UGT1A6: variants seen among roughly 807,000 people sequenced by gnomAD.
UGT1A6 encodes the protein UDP-glucuronosyltransferase 1A6.
Under a neutral mutation model 44.4 loss-of-function variants are expected in UGT1A6, and 32 were observed. The ratio of observed to expected loss-of-function variants is 0.72; its 90% CI spans 0.54 to 0.97. The LOEUF (loss-of-function observed/expected upper bound fraction) is 0.97, where lower values mean the gene tolerates loss of function less well. Among genes scored for constraint, UGT1A6 ranks in the 50% least tolerant of loss-of-function variants. UGT1A6 has a pLI of 0.00. For synonymous variants in UGT1A6, 238 were observed against 248.5 expected, an observed-to-expected ratio of 0.96 and a Z score of 0.40; for missense variants, 685 against 661.9, an observed-to-expected ratio of 1.03 and a Z score of -0.38.
chr2:233,713,020 C>G (rs143190267), intron 1 of UGT1A6: 1 of 1,613,734 alleles, frequency 6.2e-7, no homozygotes, highest in South Asian at 1.1e-5. Context: ...GTTCCCCTGC[C>G]GCAGCTGGCC....
intron 1 of UGT1A6, among the ~76,000 whole-genome samples, chr2:233,720,810 A>T (rs920812777): frequency 6.6e-6 from 1 of 151,018 alleles, no homozygotes; most frequent in Non-Finnish European, 1.5e-5. Context: ...GGTTTAAGAA[A>T]TTCTCCCACC....
At chr2:233,725,467 G>A (rs1170231243) in intron 1 of UGT1A6, among the ~76,000 whole-genome samples, 1 of 151,678 alleles carries the variant, frequency 6.6e-6, no homozygotes, top group Non-Finnish European at 1.5e-5. Flanking sequence ...TTTTCTAGTG[G>A]GCATGTTAGA....
At chr2:233,743,457 A>C in intron 1 of UGT1A6, 1 of 1,366,076 alleles carries the variant, frequency 7.3e-7, no homozygotes. Context: ...AAGAAGAAAA[A>C]ACACCCCCAA....
intron 1 of UGT1A6, among the ~76,000 whole-genome samples, chr2:233,694,660 A>G (rs534591293): frequency 3.3e-5 from 5 of 152,152 alleles, no homozygotes; most frequent in Non-Finnish European, 7.3e-5. Context: ...TTTTTATCAG[A>G]GAGAAAGCCT....
chr2:233,755,067 T>C (rs1054820279), intron 1 of UGT1A6: 7 of 1,335,636 alleles, frequency 5.2e-6, no homozygotes, highest in Non-Finnish European at 7.0e-6. Flanking sequence ...CGCCTCGCCA[T>C]AGCGGTCATA....
chr2:233,737,383 C>T (rs1188970880), intron 1 of UGT1A6, among the ~76,000 whole-genome samples: 6 of 152,224 alleles, frequency 3.9e-5, no homozygotes, highest in Non-Finnish European at 8.8e-5. Flanking sequence ...AGAGAATCTC[C>T]TTGTCTGCCA....
intron 1 of UGT1A6, among the ~76,000 whole-genome samples, chr2:233,759,599 A>ACCCCCCCCCCCCCCCCCC (rs1553620419): frequency 9.2e-6 from 1 of 108,664 alleles, no homozygotes; most frequent in African/African-American, 3.3e-5. Flanking sequence ...CCCACCCCCG[A>ACCCCCCCCCCCCCCCCCC]CCCGCCCCAC....
intron 1 of UGT1A6, among the ~76,000 whole-genome samples, chr2:233,742,411 A>G (rs566737557): frequency 5.3e-5 from 8 of 152,078 alleles, no homozygotes; most frequent in Non-Finnish European, 8.8e-5. Flanking sequence ...TAGTTTAGGA[A>G]CACCTTAAGC....
chr2:233,751,669 T>C (rs923739098), intron 1 of UGT1A6, among the ~76,000 whole-genome samples: 3 of 152,228 alleles, frequency 2.0e-5, no homozygotes, highest in African/African-American at 7.2e-5. Flanking sequence ...GAGTGAGTTC[T>C]AATGAGAGCT....
In UGT1A6 at chr2:233,733,060, C is replaced by G. The variant is rs187398935; in HGVS notation, c.862-33974C>G. Among the ~76,000 whole-genome samples the G allele has an allele frequency of 7.2e-5, 11 of 152,200 alleles. No individual in the cohort carries two copies. The East Asian group carries it at 2.1e-3, about 29-fold the overall frequency. ...AAGTTGGATTCCTAGGTATTTTATT[C>G]TCTTTGTAGCAATTGTGAATGGGAG... is the stretch of plus-strand genomic sequence containing the variant. On this transcript the variant is annotated intron_variant, in intron 1 of 4. Transcript: ENST00000305139.
chr2:233,757,966 T>C (rs1008713784), intron 1 of UGT1A6, among the ~76,000 whole-genome samples: 4 of 152,150 alleles, frequency 2.6e-5, no homozygotes, highest in Admixed American at 6.5e-5. Context: ...GTGTGATTTC[T>C]CAGCCCCTAG....
At chr2:233,725,624 T>C (rs1443141864) in intron 1 of UGT1A6, among the ~76,000 whole-genome samples, 1 of 152,198 alleles carries the variant, frequency 6.6e-6, no homozygotes, top group African/African-American at 2.4e-5. Flanking sequence ...GTCTTCAAAA[T>C]CTAGCATATA....
chr2:233,768,064 A>G, intron 3 of UGT1A6, 128 bp downstream of exon 3: 1 of 1,598,982 alleles, frequency 6.3e-7, no homozygotes, highest in Non-Finnish European at 8.5e-7. Flanking sequence ...ATTGCTTTTT[A>G]TCTAGTGGGG....
chr2:233,733,268 A>G (rs2078375878), intron 1 of UGT1A6, among the ~76,000 whole-genome samples: 1 of 152,120 alleles, frequency 6.6e-6, no homozygotes. Flanking sequence ...GGACTATTTG[A>G]CTTCCTCTTT....
At chr2:233,705,367 T>C (rs1178136392) in intron 1 of UGT1A6, among the ~76,000 whole-genome samples, 3 of 152,240 alleles carry the variant, frequency 2.0e-5, no homozygotes, top group African/African-American at 7.2e-5. Flanking sequence ...GTTTTGCTTT[T>C]ATTTTGTTTG....
Position 233,743,999 on chromosome 2 carries a change from G to A in UGT1A6, c.862-23035G>A, listed in dbSNP as rs981482683. On this transcript the variant is annotated intron_variant, in intron 1 of 4. Coordinates refer to ENST00000305139, the MANE Select transcript of UGT1A6 (RefSeq NM_001072.4). The stretch of plus-strand genomic sequence containing the variant: ...CACCCAGGCGCAGGCCCGAGTGCTC[G>A]GAGACCTGGGCCGCCTGGAGAGACG... The A allele has an allele frequency of 1.1e-4, 135 of 1,220,038 alleles. 4 individuals carry two copies. The African/African-American group carries it at 1.5e-3, about 14-fold the overall frequency. The allele number at this position is 1,220,038 out of a possible 1,614,324, so 75.6% of individuals were successfully genotyped here. A position where few individuals can be genotyped will look rare whatever the true frequency, so the allele number is the denominator to read the frequency against.
intron 1 of UGT1A6, among the ~76,000 whole-genome samples, chr2:233,727,472 C>T (rs1025234112): frequency 7.2e-5 from 11 of 152,134 alleles, no homozygotes; most frequent in African/African-American, 2.4e-4. Flanking sequence ...CTAAATAAAA[C>T]ACTACTACTT....
At chr2:233,760,273 A>C in intron 1 of UGT1A6, 3 of 1,612,532 alleles carry the variant, frequency 1.9e-6, no homozygotes, top group Non-Finnish European at 1.7e-6. Flanking sequence ...AACCTCTGGC[A>C]GGAGCAAAGG....
intron 1 of UGT1A6, among the ~76,000 whole-genome samples, chr2:233,716,166 G>A (rs1366189269): frequency 6.6e-6 from 1 of 152,138 alleles, no homozygotes; most frequent in Non-Finnish European, 1.5e-5. Flanking sequence ...GAGATGCAGT[G>A]CAGCATCTTC....
Sources: gnomAD v4.1 joint callset for allele counts (sites outside exome capture counted in the v4.1 genomes callset) on GRCh38, gnomAD v4.1.1 for gene constraint, MANE v1.5 for transcripts, NCBI Gene and HGNC (gene_info 2026-07-23, HGNC 2026-07-21) for gene names.